TEK: variants seen among roughly 807,000 people sequenced by gnomAD.
The protein encoded by TEK is TEK receptor tyrosine kinase, also known as angiopoietin-1 receptor.
TEK carries 43 observed loss-of-function variants against 131.8 expected under a neutral mutation model. The observed-to-expected ratio is 0.33, with a 90% CI of 0.26 to 0.42. The LOEUF is 0.42. TEK is among the 10% of genes least tolerant of loss of function. TEK has a pLI of 1.00. For missense variants in TEK, 1,162 were observed against 1,384.4 expected (o/e 0.84, Z 2.55); for synonymous variants, 580 against 491.6 (o/e 1.18, Z -2.38).
In TEK at chr9:27,193,428, G is replaced by C. The variant is rs1206834569; in HGVS notation, c.1624+805G>C. Among the ~76,000 whole-genome samples, 3 of 152,258 alleles carry C rather than the reference G, an allele frequency of 2.0e-5. No individual in the cohort carries two copies. The East Asian group carries it at 5.8e-4, about 29-fold the overall frequency. On this transcript the variant is annotated intron_variant, in intron 11 of 22. Coordinates refer to ENST00000380036, the MANE Select transcript of TEK (RefSeq NM_000459.5). ...GCTGGTCCTGGGTCCACACGTTCTA[G>C]ATAACATGTGTAAAATTACTTCTGG...
In TEK at chr9:27,193,184, A is replaced by G. The variant is rs368754235; in HGVS notation, c.1624+561A>G. On this transcript the variant is annotated intron_variant, in intron 11 of 22. Transcript: ENST00000380036. ...CCTCCACCTCCCAGTCCTGCTTCCTATAGGTAGCCACTTTCATCTCCTTAA... is the reference window on the plus strand; with the variant it reads ...CCTCCACCTCCCAGTCCTGCTTCCTGTAGGTAGCCACTTTCATCTCCTTAA... Among the ~76,000 whole-genome samples, 20 of 152,270 alleles carry G rather than the reference A, an allele frequency of 1.3e-4. 1 individual carries two copies. In the East Asian group the frequency reaches 1.9e-3, roughly 15 times the overall value.
At chr9:27,222,832 G>T (rs1826141841) in intron 21 of TEK, among the ~76,000 whole-genome samples, 1 of 152,028 alleles carries the variant, frequency 6.6e-6, no homozygotes, top group African/African-American at 2.4e-5. Context: ...AGCTAGTGCA[G>T]CATAATGACA....
At chr9:27,205,934 C>T (rs572919378) in intron 14 of TEK, among the ~76,000 whole-genome samples, 4 of 151,562 alleles carry the variant, frequency 2.6e-5, no homozygotes, top group African/African-American at 7.3e-5. Flanking sequence ...TTCAGGCTGT[C>T]GCTGGAGAAG....
chr9:27,135,298 G>C (rs1468540132), intron 1 of TEK, among the ~76,000 whole-genome samples: 1 of 151,094 alleles, frequency 6.6e-6, no homozygotes, highest in Non-Finnish European at 1.5e-5. Flanking sequence ...CCCACCCTTA[G>C]ACCTCATTTT....
chr9:27,220,953 G>A (rs556599146), intron 21 of TEK, among the ~76,000 whole-genome samples: 1 of 152,336 alleles, frequency 6.6e-6, no homozygotes, highest in Non-Finnish European at 1.5e-5. Context: ...CCTGGAAAGG[G>A]GGCTGAAGCC....
At chr9:27,195,744 A>G in intron 11 of TEK, 1 of 449,594 alleles carries the variant, frequency 2.2e-6, no homozygotes, top group South Asian at 1.6e-5. Context: ...AACACCTTCC[A>G]AGCATTTTCA....
intron 21 of TEK, among the ~76,000 whole-genome samples, chr9:27,222,917 C>CCCTTT: frequency 1.3e-5 from 2 of 151,972 alleles, no homozygotes; most frequent in African/African-American, 4.8e-5. Flanking sequence ...AATAAAGGGA[C>CCCTTT]AGAGGCATAT....
At position 27,185,577 on chromosome 9, in the gene TEK, T is replaced by A. The variant is rs1476656901; in HGVS notation, c.1275T>A (p.Ser425Arg). The part of the protein sequence containing the change: ...LPPDSGVWVC[S>R]VNTVAGMVEK... ...CTGACTCAGGAGTTTGGGTCTGCAG[T>A]GTGAACACAGTGGCTGGGATGGTGG... Residue 425 changes from serine to arginine, a missense_variant, in exon 9 of 23, where the codon AGT becomes AGA. By Grantham distance (110) the Ser-to-Arg change is moderately radical. This residue lies in a region of TEK where 436 missense variants were observed against 539.1 expected (regional missense o/e 0.81). Coordinates refer to ENST00000380036, the MANE Select transcript of TEK (RefSeq NM_000459.5). 8 of 1,613,756 alleles carry A rather than the reference T, an allele frequency of 5.0e-6. No individual in the cohort carries two copies. The highest frequency in any genetic ancestry group is 6.8e-6 in the Non-Finnish European group (8 of 1,179,822).
intron 1 of TEK, among the ~76,000 whole-genome samples, chr9:27,131,744 C>A (rs1290986614): frequency 6.7e-6 from 1 of 148,994 alleles, no homozygotes; most frequent in African/African-American, 2.5e-5. Context: ...GATGTAGAGG[C>A]TTCAGTGAGC....
chr9:27,173,109 G>C, intron 5 of TEK, 113 bp from the exon 6 acceptor site: 2 of 1,413,556 alleles, frequency 1.4e-6, no homozygotes, highest in Non-Finnish European at 2.0e-6. Context: ...TGCCACAGCT[G>C]AGATTTGACT....
intron 17 of TEK, among the ~76,000 whole-genome samples, 197 bp downstream of exon 17, chr9:27,213,094 A>T (rs1318626784): frequency 6.6e-6 from 1 of 152,232 alleles, no homozygotes; most frequent in Non-Finnish European, 1.5e-5. Context: ...AGCAATTTTC[A>T]TAATTATGAA....
chr9:27,127,828 A>AT (rs1458243847), intron 1 of TEK, among the ~76,000 whole-genome samples: 2 of 151,742 alleles, frequency 1.3e-5, no homozygotes, highest in African/African-American at 2.4e-5. Context: ...GGGTTGTTTG[A>AT]TTTTTTCTTG....
Position 27,223,302 on chromosome 9 carries a change from C to A in TEK, c.3200+3157C>A, listed in dbSNP as rs182071755. Among the ~76,000 whole-genome samples the A allele has an allele frequency of 2.2e-3, 334 of 152,326 alleles. 2 individuals are homozygous for A. The highest frequency in any genetic ancestry group is 7.6e-3 in the African/African-American group (315 of 41,562). ...TAATAGACATCTACAGAACTCTCCACCCCAAATCAACAGAATATACATTCT... is the reference window on the plus strand; with the variant it reads ...TAATAGACATCTACAGAACTCTCCAACCCAAATCAACAGAATATACATTCT... On this transcript the variant is annotated intron_variant, in intron 21 of 22. Transcript: ENST00000380036.
At chr9:27,202,077 C>G (rs1376870594) in intron 12 of TEK, among the ~76,000 whole-genome samples, 1 of 152,144 alleles carries the variant, frequency 6.6e-6, no homozygotes, top group Non-Finnish European at 1.5e-5. Flanking sequence ...AGCCTGTGCC[C>G]TTTAGAGTTT....
intron 16 of TEK, among the ~76,000 whole-genome samples, chr9:27,211,457 GATA>G (rs1564101400): frequency 7.6e-5 from 2 of 26,324 alleles, no homozygotes; most frequent in Non-Finnish European, 1.2e-4. Flanking sequence ...TTTTTTTTGA[GATA>G]GATAGATAGA....
intron 11 of TEK, 150 bp from the exon 12 acceptor site, chr9:27,197,165 A>C: frequency 2.7e-6 from 2 of 748,762 alleles, no homozygotes; most frequent in Non-Finnish European, 4.4e-6. Context: ...TAAACCATTC[A>C]TGGGAAGTCA....
At chr9:27,190,757 C>G (rs1187635437) in intron 10 of TEK, 67 bp downstream of exon 10, 11 of 1,592,142 alleles carry the variant, frequency 6.9e-6, no homozygotes, top group Non-Finnish European at 8.6e-6. Context: ...TTCTCCAAAT[C>G]TAGAAATTCC....
At chr9:27,146,796 C>T (rs1196845235) in intron 1 of TEK, among the ~76,000 whole-genome samples, 2 of 149,164 alleles carry the variant, frequency 1.3e-5, no homozygotes, top group Non-Finnish European at 3.0e-5. Context: ...GTGGCGTGAC[C>T]TCGGCTCACT....
At chr9:27,117,953 A>G (rs373289908) in intron 1 of TEK, among the ~76,000 whole-genome samples, 1 of 152,218 alleles carries the variant, frequency 6.6e-6, no homozygotes. Context: ...TCAGGAAGGC[A>G]GTATTGACAT....
Sources: allele counts gnomAD v4.1 joint callset (sites outside exome capture counted in the v4.1 genomes callset), GRCh38; gene constraint gnomAD v4.1.1; regional missense constraint gnomAD v4.1.1; transcripts MANE v1.5; gene names NCBI Gene and HGNC (gene_info 2026-07-23, HGNC 2026-07-21).